CDH9: variants seen among roughly 807,000 people sequenced by gnomAD.
The protein encoded by CDH9 is cadherin-9.
In CDH9, 28 loss-of-function variants were observed where a neutral mutation model predicts 70.9. The ratio of observed to expected loss-of-function variants is 0.40; its 90% CI spans 0.29 to 0.54. The LOEUF is 0.54. Ranked by LOEUF, CDH9 falls within the 20% of genes least tolerant of loss-of-function variation. The probability of loss-of-function intolerance (pLI) is 0.59; values close to 1 mark genes in which losing one functional copy is unlikely to be tolerated. For synonymous variants in CDH9, 409 were observed against 343.1 expected, an observed-to-expected ratio of 1.19 and a Z score of -2.12; for missense variants, 874 against 984.4, an observed-to-expected ratio of 0.89 and a Z score of 1.50.
At chr5:26,982,327 C>G (rs779517101) in intron 2 of CDH9, among the ~76,000 whole-genome samples, 4 of 152,014 alleles carry the variant, frequency 2.6e-5, no homozygotes, top group Non-Finnish European at 4.4e-5. Context: ...TTTTAAATGG[C>G]TTCACAGTTA....
intron 2 of CDH9, among the ~76,000 whole-genome samples, chr5:26,952,386 G>A (rs1309812534): frequency 7.1e-6 from 1 of 141,518 alleles, no homozygotes; most frequent in South Asian, 2.3e-4. Context: ...AGGCCGAGGC[G>A]GGCAGATCAT....
intron 2 of CDH9, among the ~76,000 whole-genome samples, chr5:26,984,302 T>C (rs1742453912): frequency 6.6e-6 from 1 of 152,160 alleles, no homozygotes; most frequent in Admixed American, 6.5e-5. Flanking sequence ...AAATACATAT[T>C]TTTAAATTAA....
chr5:26,955,730 T>A (rs2112053760), intron 2 of CDH9, among the ~76,000 whole-genome samples: 1 of 152,280 alleles, frequency 6.6e-6, no homozygotes, highest in South Asian at 2.1e-4. Flanking sequence ...CCATCATTCA[T>A]CTTATCACAT....
intron 2 of CDH9, among the ~76,000 whole-genome samples, chr5:26,979,375 C>A (rs1382448363): frequency 6.6e-6 from 1 of 150,664 alleles, no homozygotes; most frequent in African/African-American, 2.4e-5. Flanking sequence ...AGAAGTATAG[C>A]CAAGAATAGC....
intron 7 of CDH9, chr5:26,890,795 CA>C: frequency 2.5e-6 from 1 of 407,256 alleles, no homozygotes; most frequent in Non-Finnish European, 4.4e-6. Flanking sequence ...GTTATTTATA[CA>C]CATGAATCTG....
chr5:26,952,539 G>A (rs1176438053), intron 2 of CDH9, among the ~76,000 whole-genome samples: 1 of 139,192 alleles, frequency 7.2e-6, no homozygotes, highest in Non-Finnish European at 1.5e-5. Context: ...AGAAGCTGAG[G>A]CAGGAGAATG....
At chr5:26,942,647 C>T (rs1741683668) in intron 2 of CDH9, among the ~76,000 whole-genome samples, 1 of 152,112 alleles carries the variant, frequency 6.6e-6, no homozygotes, top group Non-Finnish European at 1.5e-5. Flanking sequence ...GCAACTGATT[C>T]ATGATATGCT....
chr5:26,951,797 G>T (rs1741849964), intron 2 of CDH9, among the ~76,000 whole-genome samples: 1 of 152,018 alleles, frequency 6.6e-6, no homozygotes, highest in African/African-American at 2.4e-5. Flanking sequence ...TAGAAGGAAA[G>T]GACAGTTATT....
intron 2 of CDH9, among the ~76,000 whole-genome samples, chr5:26,928,025 C>G (rs781650977): frequency 2.0e-4 from 31 of 151,996 alleles, no homozygotes; most frequent in African/African-American, 7.0e-4. Flanking sequence ...GAATAAACTC[C>G]TTTTTCACTT....
At chr5:26,999,248 A>T (rs371655851) in intron 1 of CDH9, among the ~76,000 whole-genome samples, 7 of 152,238 alleles carry the variant, frequency 4.6e-5, no homozygotes, top group African/African-American at 1.4e-4. Context: ...AAAAAAAATA[A>T]AAATAAATAA....
intron 1 of CDH9, among the ~76,000 whole-genome samples, chr5:26,999,215 G>T (rs199984322): frequency 6.6e-6 from 1 of 151,914 alleles, no homozygotes; most frequent in Non-Finnish European, 1.5e-5. Context: ...CTCCAGCCTG[G>T]TGACGGAGCG....
chr5:27,002,285 G>C (rs1742784529), intron 1 of CDH9, among the ~76,000 whole-genome samples: 2 of 152,140 alleles, frequency 1.3e-5, no homozygotes, highest in South Asian at 4.1e-4. Context: ...TGCTGGAGAG[G>C]ATATGGAGAA....
intron 9 of CDH9, among the ~76,000 whole-genome samples, chr5:26,888,079 T>C (rs956470799): frequency 2.6e-5 from 4 of 151,600 alleles, no homozygotes; most frequent in African/African-American, 7.3e-5. Context: ...TATTTTTAAG[T>C]CCACATTTTT....
At chr5:27,008,089 C>A (rs1048248624) in intron 1 of CDH9, among the ~76,000 whole-genome samples, 1 of 152,040 alleles carries the variant, frequency 6.6e-6, no homozygotes, top group African/African-American at 2.4e-5. Context: ...ATATTCTGAG[C>A]TTGTCACTAT....
At chr5:27,037,364 A>T (rs1743411699) in intron 1 of CDH9, among the ~76,000 whole-genome samples, 1 of 151,950 alleles carries the variant, frequency 6.6e-6, no homozygotes, top group Non-Finnish European at 1.5e-5. Flanking sequence ...TCTCCAGAGA[A>T]GACCACCAAT....
chr5:27,037,721 T>G (rs1485186721), intron 1 of CDH9, among the ~76,000 whole-genome samples: 1 of 152,012 alleles, frequency 6.6e-6, no homozygotes. Context: ...AATTTTGGCT[T>G]AGAAACACTC....
chr5:26,997,951 G>A (rs774817911), intron 1 of CDH9, among the ~76,000 whole-genome samples: 12 of 152,122 alleles, frequency 7.9e-5, no homozygotes, highest in Non-Finnish European at 1.6e-4. Flanking sequence ...GCCCTCCTCG[G>A]CCTCCCAAAG....
At chr5:26,885,542 A>G in intron 11 of CDH9, 72 bp downstream of exon 11, 4 of 1,183,290 alleles carry the variant, frequency 3.4e-6, no homozygotes, top group Non-Finnish European at 4.9e-6. Context: ...ATTGTTATTC[A>G]GTGCACCATG....
intron 2 of CDH9, among the ~76,000 whole-genome samples, chr5:26,962,921 A>C (rs981677195): frequency 2.6e-5 from 4 of 152,134 alleles, no homozygotes; most frequent in Non-Finnish European, 5.9e-5. Context: ...TTTTAAACCA[A>C]AATTTTCTTA....
Sources: allele counts gnomAD v4.1 joint callset (sites outside exome capture counted in the v4.1 genomes callset), GRCh38; gene constraint gnomAD v4.1.1; transcripts MANE v1.5; gene names NCBI Gene and HGNC (gene_info 2026-07-23, HGNC 2026-07-21).